The following UBR4 variants were observed in gnomAD, a reference collection of about 807,000 sequenced individuals.
The protein encoded by UBR4 is ubiquitin protein ligase E3 component n-recognin 4.
Under a neutral mutation model 575.6 loss-of-function variants are expected in UBR4, and 124 were observed. The observed-to-expected ratio is 0.22, with a 90% confidence interval of 0.19 to 0.25. UBR4 has a LOEUF of 0.25. Ranked by LOEUF, UBR4 falls within the 10% of genes least tolerant of loss-of-function variation. The pLI is 1.00. For missense variants in UBR4, 4,818 were observed against 6,478.8 expected, an observed-to-expected ratio of 0.74 and a Z score of 8.80; for synonymous variants, 2,455 against 2,473.7, an observed-to-expected ratio of 0.99 and a Z score of 0.22.
Position 19,152,528 on chromosome 1 carries a change from C to T in UBR4, c.6833-52G>A, listed in dbSNP as rs759366881. The T allele has an allele frequency of 6.2e-7, 1 of 1,608,214 alleles. No homozygotes were observed. The highest frequency in any genetic ancestry group is 1.7e-5 in the Admixed American group (1 of 59,894). On this transcript the variant is annotated intron_variant, in intron 46 of 105. Coordinates refer to ENST00000375254, the MANE Select transcript of UBR4 (RefSeq NM_020765.3). This position sits in a 1 kb window ranked among gnomAD's most constrained non-coding sequence, Gnocchi z 4.4. The stretch of plus-strand genomic sequence containing the variant: ...AGAGTCTCTCCCACCTCTGCCCCAA[C>T]ACCACTGGTAAAGACTCCTCCCAGA...
At chr1:19,158,523 T>TA (rs1420935143) in intron 39 of UBR4, among the ~76,000 whole-genome samples, 1 of 152,126 alleles carries the variant, frequency 6.6e-6, no homozygotes, top group African/African-American at 2.4e-5. Flanking sequence ...AGTGATGTGA[T>TA]ATCAGCTCAC....
rs1464414593 is a variant in UBR4, at chr1:19,158,084, CT to C, written c.5578-88del. On this transcript the variant is annotated intron_variant, in intron 39 of 105. Coordinates refer to ENST00000375254, the MANE Select transcript of UBR4 (RefSeq NM_020765.3). ...ACGCACTATTCATGTGCCTGAGACACTGCACAATTCAGTCATTCAAAAGCAG... is the reference window on the plus strand; with the variant it reads ...ACGCACTATTCATGTGCCTGAGACACGCACAATTCAGTCATTCAAAAGCAG... The C allele has an allele frequency of 4.3e-6, 6 of 1,395,140 alleles. No individual in the cohort carries two copies. The East Asian group carries it at 1.2e-4, about 27-fold the overall frequency. 86.4% of individuals were successfully genotyped at this position (1,395,140 alleles called of 1,614,324 possible).
chr1:19,172,402 A>C (rs1045614928), intron 25 of UBR4, among the ~76,000 whole-genome samples: 14 of 152,254 alleles, frequency 9.2e-5, no homozygotes, highest in Admixed American at 9.2e-4. Context: ...CTGTAATCCC[A>C]GCTACTCAGG....
At chr1:19,154,078 T>C (rs2086099771) in intron 44 of UBR4, 139 bp from the exon 45 acceptor site, 6 of 954,330 alleles carry the variant, frequency 6.3e-6, no homozygotes, top group Non-Finnish European at 7.8e-6. Flanking sequence ...TATCCACAGG[T>C]TAGTTTTATT....
rs762115393 is a variant in UBR4 at position 19,101,531 on chromosome 1, T to C, written c.13012A>G (p.Ile4338Val). 4.3e-6 allele frequency: 7 copies of C among 1,613,142 alleles called. No individual in the cohort carries two copies. The Admixed American group carries it at 1.2e-4, about 27-fold the overall frequency. Residue 4338 changes from isoleucine to valine, a missense_variant, in exon 88 of 106, where the codon ATC becomes GTC. Coordinates refer to ENST00000375254, the MANE Select transcript of UBR4 (RefSeq NM_020765.3). ...ACCGCACTGCTTACAGGATAAATGA[T>C]GCTGCAGAGCCTCTCGAAGATGAAC... is the stretch of plus-strand genomic sequence containing the variant. ...PVFIFERLCS[I>V]IYPEENEVTE...
intron 33 of UBR4, 143 bp from the exon 34 acceptor site, chr1:19,163,970 T>C (rs989602829): frequency 2.1e-5 from 18 of 875,850 alleles, no homozygotes; most frequent in Middle Eastern, 2.6e-4. Context: ...ATAAGTACTA[T>C]ATAGTTACAT....
At position 19,151,655 on chromosome 1, in the gene UBR4, GCTT is replaced by G; in HGVS notation, c.7198_7200del (p.Lys2400del). The G allele has an allele frequency of 1.2e-6, 2 of 1,614,186 alleles. No individual in the cohort carries two copies. The highest frequency in any genetic ancestry group is 1.6e-4 in the Middle Eastern group (1 of 6,062). On this transcript the variant is annotated inframe_deletion, in exon 48 of 106. Transcript: ENST00000375254. ...GTTGGTGACTCACTGAAGAGGTTCAGCTTCTTATCAGCCTGCAGGGCTTCTTCT... is the reference window on the plus strand; with the variant it reads ...GTTGGTGACTCACTGAAGAGGTTCAGCTTATCAGCCTGCAGGGCTTCTTCT...
At chr1:19,133,403 A>G (rs2082766155) in intron 60 of UBR4, among the ~76,000 whole-genome samples, 1 of 152,226 alleles carries the variant, frequency 6.6e-6, no homozygotes, top group Non-Finnish European at 1.5e-5. Flanking sequence ...TTAATCTGAT[A>G]AATATCCATA....
Position 19,115,627 on chromosome 1 carries a change from A to T in UBR4, c.10834T>A (p.Trp3612Arg). 6.2e-7 allele frequency: 1 copy of T among 1,614,162 alleles called. No individual in the cohort carries two copies. The highest frequency in any genetic ancestry group is 8.5e-7 in the Non-Finnish European group (1 of 1,180,000). The change falls in exon 74 of 106, where the codon TGG (tryptophan) becomes AGG (arginine). Residue 3612 changes from tryptophan (W) to arginine (R), a missense_variant. This residue lies in a region of UBR4 where 550 missense variants were observed against 791.5 expected (regional missense o/e 0.69). Transcript: ENST00000375254. The part of the protein sequence containing the change: ...IVELKNKPAR[W>R]HKAKKVQLTP... ...AGCTGAACCTTCTTGGCTTTGTGCC[A>T]GCGAGCTGGCCTAGGAAAGACAGAC...
intron 84 of UBR4, among the ~76,000 whole-genome samples, 191 bp downstream of exon 84, chr1:19,105,542 G>A (rs1182213916): frequency 6.6e-6 from 1 of 152,182 alleles, no homozygotes; most frequent in Non-Finnish European, 1.5e-5. Flanking sequence ...TGCTGCTGCT[G>A]CTAACACCCT....
Position 19,089,518 on chromosome 1 carries a change from TAAC to T in UBR4, c.14212-544_14212-542del, listed in dbSNP as rs1409284360. Among the ~76,000 whole-genome samples, 7 of 152,164 alleles carry T rather than the reference TAAC, an allele frequency of 4.6e-5. No individual in the cohort carries two copies. In the East Asian group the frequency reaches 5.8e-4, roughly 13 times the overall value. On this transcript the variant is annotated intron_variant, in intron 97 of 105. Transcript: ENST00000375254. This position sits in a 1 kb window ranked among gnomAD's most constrained non-coding sequence, Gnocchi z 4.3. The stretch of plus-strand genomic sequence containing the variant: ...AAGCAGGTATGGACATGAAAAACTT[TAAC>T]AACAAAAAAGATATTAACAAGAAAC...
chr1:19,173,475 A>T lies in UBR4; in HGVS notation c.3129T>A (p.Ser1043=). The change falls in exon 23 of 106, where the codon TCT becomes TCA. Residue 1043 remains serine, a synonymous_variant. Transcript: ENST00000375254. ...CDILHTLRWS[S]RLRISSYVNW... ...TGACATAGGAGCTGATCCGGAGCCGAGAAGACCATCGCAGAGTGTGCAAGA... is the reference window on the plus strand; with the variant it reads ...TGACATAGGAGCTGATCCGGAGCCGTGAAGACCATCGCAGAGTGTGCAAGA... 3 of 1,614,168 alleles carry T rather than the reference A, an allele frequency of 1.9e-6. No individual in the cohort carries two copies. The highest frequency in any genetic ancestry group is 2.5e-6 in the Non-Finnish European group (3 of 1,180,016).
At chr1:19,120,077 C>A (rs1329543589) in intron 69 of UBR4, 103 bp downstream of exon 69, 2 of 1,364,590 alleles carry the variant, frequency 1.5e-6, no homozygotes, top group Non-Finnish European at 1.0e-6. Context: ...GCTGGCGTAA[C>A]TACTGACTCT....
chr1:19,161,434 T>A (rs1293005608), intron 37 of UBR4, among the ~76,000 whole-genome samples, 155 bp downstream of exon 37: 2 of 152,178 alleles, frequency 1.3e-5, no homozygotes, highest in East Asian at 3.8e-4. Flanking sequence ...CTAAATGAAG[T>A]CCTTAGGCCA....
chr1:19,074,789 G>A lies in UBR4; in HGVS notation c.*43C>T, dbSNP rs2075758974. ...AAGGAGGGAGAACAGAGGGTGGAAGGCAAGCCAGCTTCGTCTTCGCCGCCG... is the reference window on the plus strand; with the variant it reads ...AAGGAGGGAGAACAGAGGGTGGAAGACAAGCCAGCTTCGTCTTCGCCGCCG... On this transcript the variant is annotated 3_prime_UTR_variant, in exon 106 of 106. Coordinates refer to ENST00000375254, the MANE Select transcript of UBR4 (RefSeq NM_020765.3). 1 of 1,607,530 alleles carries A rather than the reference G, an allele frequency of 6.2e-7. No homozygotes were observed. The highest frequency in any genetic ancestry group is 8.5e-7 in the Non-Finnish European group (1 of 1,175,880).
rs2077725892 is a variant in UBR4 at position 19,093,506 on chromosome 1, T to G, written c.13938-20A>C. 4.3e-6 allele frequency: 7 copies of G among 1,612,008 alleles called. No individual in the cohort carries two copies. The highest frequency in any genetic ancestry group is 4.0e-5 in the African/African-American group (3 of 75,010). ...TCATATCTAGGAGGAAAGAGCAGAG[T>G]TTGAGGGTGTGAAAGGCGGGACAAA... On this transcript the variant is annotated intron_variant, in intron 95 of 105. Coordinates refer to ENST00000375254, the MANE Select transcript of UBR4 (RefSeq NM_020765.3). The surrounding 1 kb of genome is among the most constrained non-coding windows in gnomAD (Gnocchi z 4.8).
At chr1:19,203,431 G>A (rs933364499) in intron 1 of UBR4, among the ~76,000 whole-genome samples, 4 of 151,714 alleles carry the variant, frequency 2.6e-5, no homozygotes, top group African/African-American at 9.7e-5. Context: ...AACCCGGCAG[G>A]TGGAATTGCA....
chr1:19,123,009 G>T lies in UBR4; in HGVS notation c.9640C>A (p.Leu3214Met). 1 of 1,614,214 alleles carries T rather than the reference G, an allele frequency of 6.2e-7. No individual in the cohort carries two copies. The highest frequency in any genetic ancestry group is 8.5e-7 in the Non-Finnish European group (1 of 1,180,036). Residue 3214 changes from leucine (L) to methionine (M), a missense_variant, in exon 66 of 106, where the codon CTG (leucine) becomes ATG (methionine). By Grantham distance (15) the Leu-to-Met change is conservative. Transcript: ENST00000375254. ...TCTTTGGATCCACAGATGAAGAGCA[G>T]AAGTTTGCGGACTTGACGGCGCACA... ...PFVRRQVRKL[L>M]LFICGSKEKY...
chr1:19,181,135 T>C (rs2090903144), intron 17 of UBR4, among the ~76,000 whole-genome samples: 1 of 152,078 alleles, frequency 6.6e-6, no homozygotes, highest in African/African-American at 2.4e-5. Context: ...GTCCCAGCTA[T>C]ACGGGAGACT....
Sources: gnomAD v4.1 joint callset for allele counts (sites outside exome capture counted in the v4.1 genomes callset) on GRCh38, gnomAD v4.1.1 for gene constraint, gnomAD v4.1.1 regional missense constraint, Gnocchi (gnomAD v3.1) non-coding constraint, MANE v1.5 for transcripts, NCBI Gene and HGNC (gene_info 2026-07-23, HGNC 2026-07-21) for gene names.